DPP10: variants seen among roughly 807,000 people sequenced by gnomAD.
DPP10 encodes the protein inactive dipeptidyl peptidase 10.
DPP10 carries 33 observed loss-of-function variants against 120.9 expected under a neutral mutation model. The observed-to-expected ratio is 0.27, with a 90% CI of 0.21 to 0.37. The LOEUF (loss-of-function observed/expected upper bound fraction) is 0.37, where lower values mean the gene tolerates loss of function less well. Ranked by LOEUF, DPP10 falls within the 10% of genes least tolerant of loss-of-function variation. The pLI, the probability that DPP10 is intolerant of heterozygous loss-of-function variation, is 1.00. For missense variants in DPP10, 816 were observed against 942.8 expected, an observed-to-expected ratio of 0.87 and a Z score of 1.76; for synonymous variants, 337 against 326.1, an observed-to-expected ratio of 1.03 and a Z score of -0.36.
chr2:115,307,849 T>C (rs545460862), intron 1 of DPP10, among the ~76,000 whole-genome samples: 33 of 152,266 alleles, frequency 2.2e-4, no homozygotes, highest in Admixed American at 3.9e-4. Flanking sequence ...ACCCACTGTA[T>C]TGATTTACGT....
intron 1 of DPP10, among the ~76,000 whole-genome samples, chr2:115,296,328 G>A (rs1299240827): frequency 6.6e-6 from 1 of 152,034 alleles, no homozygotes; most frequent in African/African-American, 2.4e-5. Flanking sequence ...AACTTACCTT[G>A]AAGCTGCAGT....
At chr2:115,675,179 T>G (rs1219636358) in intron 5 of DPP10, among the ~76,000 whole-genome samples, 1 of 152,168 alleles carries the variant, frequency 6.6e-6, no homozygotes, top group Non-Finnish European at 1.5e-5. Context: ...AAGTCATGTG[T>G]TCAAGTTTTC....
At chr2:115,304,185 T>C (rs776997532) in intron 1 of DPP10, among the ~76,000 whole-genome samples, 4 of 151,990 alleles carry the variant, frequency 2.6e-5, no homozygotes, top group Non-Finnish European at 4.4e-5. Context: ...CGTGAACTGA[T>C]GGAAGAGGAG....
chr2:114,889,432 A>G (rs1234375175), intron 1 of DPP10, among the ~76,000 whole-genome samples: 3 of 151,364 alleles, frequency 2.0e-5, no homozygotes, highest in Non-Finnish European at 2.9e-5. Flanking sequence ...TATAAAATAT[A>G]TACATATATA....
At chr2:114,737,450 T>C (rs1677561661) in intron 1 of DPP10, among the ~76,000 whole-genome samples, 1 of 152,214 alleles carries the variant, frequency 6.6e-6, no homozygotes, top group Non-Finnish European at 1.5e-5. Context: ...GAAATCTGCC[T>C]GACAGATAAA....
At chr2:114,820,318 T>C (rs567147239) in intron 1 of DPP10, among the ~76,000 whole-genome samples, 1 of 152,156 alleles carries the variant, frequency 6.6e-6, no homozygotes, top group African/African-American at 2.4e-5. Flanking sequence ...CCCAGTACTA[T>C]ATGATATCAA....
chr2:115,426,095 CTG>C (rs2070437959), intron 3 of DPP10, among the ~76,000 whole-genome samples: 1 of 133,882 alleles, frequency 7.5e-6, no homozygotes, highest in Non-Finnish European at 1.6e-5. Context: ...ACCTCCGACG[CTG>C]GAGATGACAT....
chr2:114,744,419 C>T (rs573154526), intron 1 of DPP10, among the ~76,000 whole-genome samples: 2 of 152,196 alleles, frequency 1.3e-5, no homozygotes, highest in African/African-American at 2.4e-5. Flanking sequence ...GAAGACTGAA[C>T]GGTAGTTGAA....
intron 3 of DPP10, among the ~76,000 whole-genome samples, chr2:115,362,030 T>C (rs2064808412): frequency 6.6e-6 from 1 of 151,264 alleles, no homozygotes; most frequent in South Asian, 2.1e-4. Flanking sequence ...TTTTTGTGTG[T>C]ATGTTTTGTG....
At chr2:114,475,664 T>A (rs1484853972) in intron 1 of DPP10, among the ~76,000 whole-genome samples, 1 of 152,188 alleles carries the variant, frequency 6.6e-6, no homozygotes, top group African/African-American at 2.4e-5. Context: ...ACACTAAATT[T>A]TGAGAACCAT....
intron 1 of DPP10, among the ~76,000 whole-genome samples, chr2:114,664,643 AAAAAAG>A (rs1272223880): frequency 1.7e-4 from 25 of 144,750 alleles, no homozygotes; most frequent in African/African-American, 6.7e-4. Context: ...AAAAAAAAAA[AAAAAAG>A]AAAGAAAGAA....
intron 1 of DPP10, among the ~76,000 whole-genome samples, chr2:114,788,786 C>T (rs1682992396): frequency 6.6e-6 from 1 of 152,146 alleles, no homozygotes; most frequent in Admixed American, 6.5e-5. Flanking sequence ...ATTTCCTTGA[C>T]TTACCAATTA....
At chr2:115,115,365 A>AT (rs2049448416) in intron 1 of DPP10, among the ~76,000 whole-genome samples, 2 of 152,156 alleles carry the variant, frequency 1.3e-5, no homozygotes, top group Non-Finnish European at 2.9e-5. Flanking sequence ...AATAAGATCC[A>AT]GGGTTACCTT....
intron 1 of DPP10, among the ~76,000 whole-genome samples, chr2:115,024,915 A>C (rs1703351592): frequency 6.7e-6 from 1 of 150,004 alleles, no homozygotes; most frequent in Admixed American, 6.7e-5. Flanking sequence ...ATAATCTTTA[A>C]ATATATTTTA....
At chr2:114,622,132 C>T (rs900378229) in intron 1 of DPP10, among the ~76,000 whole-genome samples, 22 of 152,060 alleles carry the variant, frequency 1.4e-4, no homozygotes, top group Admixed American at 2.6e-4. Context: ...AGGGTGTCTT[C>T]CTAAATGAGA....
chr2:114,837,661 G>C (rs17787811), intron 1 of DPP10, among the ~76,000 whole-genome samples: 13,247 of 152,142 alleles, frequency 0.087, 695 homozygotes, highest in Non-Finnish European at 0.11. Flanking sequence ...GTCAGATTAG[G>C]CTCATCTATG....
chr2:114,549,987 C>T (rs966584486), intron 1 of DPP10, among the ~76,000 whole-genome samples: 5 of 152,088 alleles, frequency 3.3e-5, no homozygotes, highest in Non-Finnish European at 7.4e-5. Flanking sequence ...TGCCCCCAAA[C>T]CTAAAACTTA....
intron 3 of DPP10, among the ~76,000 whole-genome samples, chr2:115,495,680 G>A (rs1392903449): frequency 6.6e-6 from 1 of 152,054 alleles, no homozygotes; most frequent in Non-Finnish European, 1.5e-5. Flanking sequence ...AAAAAAAATT[G>A]GATCGAAATG....
chr2:115,815,814 G>A lies in DPP10; in HGVS notation c.1950+85G>A. On this transcript the variant is annotated intron_variant, in intron 21 of 25. Transcript: ENST00000410059. Reference sequence around the variant, plus strand: ...ATTACACATTCACAGGAGGCCAGTTGGTTACAGATAAGTTCCATATTGACT... The same window carrying A: ...ATTACACATTCACAGGAGGCCAGTTAGTTACAGATAAGTTCCATATTGACT... The A allele has an allele frequency of 2.2e-6, 3 of 1,360,732 alleles. No homozygotes were observed. In the East Asian group the frequency reaches 7.1e-5, roughly 32 times the overall value. 84.3% of individuals were successfully genotyped at this position (1,360,732 alleles called of 1,614,324 possible).
Sources: allele counts gnomAD v4.1 joint callset (sites outside exome capture counted in the v4.1 genomes callset), GRCh38; gene constraint gnomAD v4.1.1; transcripts MANE v1.5; gene names NCBI Gene and HGNC (gene_info 2026-07-23, HGNC 2026-07-21).